PTPRD: variants seen among roughly 807,000 people sequenced by gnomAD.
PTPRD encodes the protein receptor-type tyrosine-protein phosphatase delta.
In PTPRD, 34 loss-of-function variants were observed where a neutral mutation model predicts 214.5. That is an observed-to-expected ratio of 0.16 (90% confidence interval 0.12 to 0.21). The LOEUF (loss-of-function observed/expected upper bound fraction) is 0.21. Among genes scored for constraint, PTPRD ranks in the 10% least tolerant of loss-of-function variants. The pLI is 1.00. For missense variants in PTPRD, 2,545 were observed against 2,398.7 expected (o/e 1.06, Z -1.27); for synonymous variants, 1,128 against 845.7 (o/e 1.33, Z -5.79).
chr9:8,690,006 G>T (rs1049883381), intron 12 of PTPRD, among the ~76,000 whole-genome samples: 1 of 151,646 alleles, frequency 6.6e-6, no homozygotes. Context: ...TACTCAGGAT[G>T]CTGAGGCAGG....
At chr9:9,882,890 G>A (rs1021526897) in intron 5 of PTPRD, among the ~76,000 whole-genome samples, 1 of 152,092 alleles carries the variant, frequency 6.6e-6, no homozygotes, top group Non-Finnish European at 1.5e-5. Context: ...CCCTCCCTGT[G>A]GTAATGAGGT....
intron 2 of PTPRD, among the ~76,000 whole-genome samples, chr9:10,354,010 C>T (rs2154460387): frequency 6.6e-6 from 1 of 152,134 alleles, no homozygotes; most frequent in Admixed American, 6.5e-5. Context: ...AACTTCCATG[C>T]ACTCAAAACC....
intron 8 of PTPRD, among the ~76,000 whole-genome samples, chr9:9,448,445 G>A (rs10977759): frequency 6.6e-6 from 1 of 151,870 alleles, no homozygotes; most frequent in Non-Finnish European, 1.5e-5. Flanking sequence ...TTCCTTTGCA[G>A]TTCATTCTCT....
intron 3 of PTPRD, among the ~76,000 whole-genome samples, chr9:10,257,222 T>C (rs985993039): frequency 6.6e-6 from 1 of 152,224 alleles, no homozygotes; most frequent in Non-Finnish European, 1.5e-5. Context: ...TAACTGCCTG[T>C]GATACAAGGA....
At chr9:9,490,889 T>G (rs941527117) in intron 8 of PTPRD, among the ~76,000 whole-genome samples, 2 of 114,020 alleles carry the variant, frequency 1.8e-5, no homozygotes, top group Non-Finnish European at 3.5e-5. Flanking sequence ...TTAATATAAA[T>G]ATAAATGAAC....
chr9:9,968,872 T>C (rs569559839), intron 4 of PTPRD, among the ~76,000 whole-genome samples: 22 of 152,268 alleles, frequency 1.4e-4, no homozygotes, highest in Admixed American at 4.6e-4. Flanking sequence ...AAGGATGTGA[T>C]AACTTAATAA....
At chr9:8,596,855 G>T (rs2094503485) in intron 14 of PTPRD, among the ~76,000 whole-genome samples, 1 of 151,972 alleles carries the variant, frequency 6.6e-6, no homozygotes, top group African/African-American at 2.4e-5. Context: ...TGATAGCTTT[G>T]GTTTTTAAGG....
At chr9:10,468,915 C>T (rs988712719) in intron 2 of PTPRD, among the ~76,000 whole-genome samples, 4 of 151,782 alleles carry the variant, frequency 2.6e-5, no homozygotes, top group Admixed American at 6.6e-5. Context: ...TTCAGAAAGC[C>T]CATTTGACAA....
chr9:9,405,338 T>G (rs2072851254), intron 8 of PTPRD, among the ~76,000 whole-genome samples: 2 of 152,050 alleles, frequency 1.3e-5, no homozygotes, highest in South Asian at 4.1e-4. Flanking sequence ...TGATGGATTC[T>G]CAGGTTCCTC....
intron 8 of PTPRD, among the ~76,000 whole-genome samples, chr9:9,446,659 C>A (rs75614547): frequency 1.3e-5 from 2 of 152,016 alleles, no homozygotes; most frequent in Admixed American, 6.6e-5. Flanking sequence ...TCCCTGACCT[C>A]CAAATGGGAT....
intron 4 of PTPRD, among the ~76,000 whole-genome samples, chr9:9,976,966 T>C (rs1356848294): frequency 6.6e-6 from 1 of 152,168 alleles, no homozygotes. Context: ...TTTCCATAAA[T>C]TGAATAGCTA....
intron 9 of PTPRD, among the ~76,000 whole-genome samples, chr9:9,341,383 C>T (rs1393928491): frequency 6.6e-6 from 1 of 152,104 alleles, no homozygotes; most frequent in South Asian, 2.1e-4. Context: ...CATTATCCCC[C>T]CAGGGCGCAG....
intron 36 of PTPRD, among the ~76,000 whole-genome samples, chr9:8,401,168 CT>C (rs35280480): frequency 0.82 from 118,796 of 144,508 alleles, 48,756 homozygotes; most frequent in Middle Eastern, 0.88. Flanking sequence ...TTTACCTTTT[CT>C]TTTTTTTTTT....
At chr9:9,787,926 C>T (rs1201138756) in intron 5 of PTPRD, among the ~76,000 whole-genome samples, 1 of 151,658 alleles carries the variant, frequency 6.6e-6, no homozygotes, top group African/African-American at 2.4e-5. Context: ...GGACTACAGG[C>T]GCCTGCCACC....
chr9:8,826,165 C>CA (rs1202578376), intron 11 of PTPRD, among the ~76,000 whole-genome samples: 5 of 152,032 alleles, frequency 3.3e-5, no homozygotes, highest in Non-Finnish European at 7.4e-5. Flanking sequence ...ACCCTTAACT[C>CA]AATCAGTTGG....
At chr9:10,478,111 G>T (rs1045365477) in intron 2 of PTPRD, among the ~76,000 whole-genome samples, 1 of 151,712 alleles carries the variant, frequency 6.6e-6, no homozygotes, top group Admixed American at 6.6e-5. Context: ...AAACCTGCAC[G>T]TTTAGCACAT....
intron 8 of PTPRD, among the ~76,000 whole-genome samples, chr9:9,487,652 T>C (rs10217784): frequency 0.21 from 31,614 of 152,092 alleles, 3,402 homozygotes; most frequent in Non-Finnish European, 0.24. Context: ...TTATTTTCAA[T>C]CATAATTATT....
At chr9:9,354,784 A>G (rs1292725052) in intron 9 of PTPRD, among the ~76,000 whole-genome samples, 1 of 151,772 alleles carries the variant, frequency 6.6e-6, no homozygotes, top group Non-Finnish European at 1.5e-5. Flanking sequence ...GGTGCTTCTC[A>G]TTGAGAAACT....
chr9:10,217,813 A>C (rs1270003161), intron 3 of PTPRD, among the ~76,000 whole-genome samples: 1 of 151,918 alleles, frequency 6.6e-6, no homozygotes, highest in Non-Finnish European at 1.5e-5. Context: ...TGCAAGGAGA[A>C]TAATGATTGT....
Sources: gnomAD v4.1 joint callset for allele counts (sites outside exome capture counted in the v4.1 genomes callset) on GRCh38, gnomAD v4.1.1 for gene constraint, MANE v1.5 for transcripts, NCBI Gene and HGNC (gene_info 2026-07-23, HGNC 2026-07-21) for gene names.